Variants in NRXN1 observed in about 807,000 individuals in gnomAD.
NRXN1 encodes the protein neurexin 1, also known as neurexin-1.
A neutral mutation model predicts 150.9 loss-of-function variants in NRXN1; 39 were observed. That is an observed-to-expected ratio of 0.26 (90% CI 0.20 to 0.34). The LOEUF (loss-of-function observed/expected upper bound fraction) is 0.34. Ranked by LOEUF, NRXN1 falls within the 10% of genes least tolerant of loss-of-function variation. The pLI, the probability that NRXN1 is intolerant of heterozygous loss-of-function variation, is 1.00. For synonymous variants in NRXN1, 924 were observed against 757.0 expected (o/e 1.22, Z -3.62); for missense variants, 1,815 against 1,949.9 (o/e 0.93, Z 1.30).
chr2:50,236,696 G>T, intron 18 of NRXN1, 93 bp downstream of exon 18: 1 of 1,110,332 alleles, frequency 9.0e-7, no homozygotes. Context: ...TGGTTTCTGG[G>T]GGAAGGAAGC....
At chr2:49,982,248 C>G (rs1215286520) in intron 21 of NRXN1, among the ~76,000 whole-genome samples, 1 of 152,080 alleles carries the variant, frequency 6.6e-6, no homozygotes, top group Non-Finnish European at 1.5e-5. Context: ...TTTCATGAAA[C>G]AGGTTCGATT....
chr2:50,657,743 C>G (rs1413155191), intron 5 of NRXN1, among the ~76,000 whole-genome samples: 1 of 151,996 alleles, frequency 6.6e-6, no homozygotes, highest in Non-Finnish European at 1.5e-5. Context: ...CTTTTCAATT[C>G]TTTTATGCTT....
intron 5 of NRXN1, among the ~76,000 whole-genome samples, chr2:50,718,866 T>C (rs1696222087): frequency 6.6e-6 from 1 of 152,000 alleles, no homozygotes; most frequent in South Asian, 2.1e-4. Flanking sequence ...CTCCATCTCT[T>C]CTCCCTTCTT....
chr2:50,629,133 C>G (rs749976295), intron 5 of NRXN1, among the ~76,000 whole-genome samples: 1 of 151,576 alleles, frequency 6.6e-6, no homozygotes, highest in African/African-American at 2.4e-5. Context: ...ATATATCCAA[C>G]AAAAAATACA....
At chr2:49,957,386 A>T (rs980892919) in intron 21 of NRXN1, among the ~76,000 whole-genome samples, 5 of 152,168 alleles carry the variant, frequency 3.3e-5, no homozygotes, top group Non-Finnish European at 7.3e-5. Flanking sequence ...CAGCTTTCAA[A>T]ATGAATGGCT....
chr2:50,337,856 A>G (rs973207582), intron 17 of NRXN1, among the ~76,000 whole-genome samples: 1 of 152,238 alleles, frequency 6.6e-6, no homozygotes, highest in Non-Finnish European at 1.5e-5. Context: ...CTGAGGCAAA[A>G]TGTTAACAGT....
intron 22 of NRXN1, among the ~76,000 whole-genome samples, chr2:49,930,268 ATAAC>A (rs1669888394): frequency 6.6e-6 from 1 of 152,196 alleles, no homozygotes; most frequent in Non-Finnish European, 1.5e-5. Flanking sequence ...AACCCCATAA[ATAAC>A]AATTTTATGT....
At chr2:50,707,960 TC>T (rs1694667609) in intron 5 of NRXN1, among the ~76,000 whole-genome samples, 1 of 152,202 alleles carries the variant, frequency 6.6e-6, no homozygotes, top group Non-Finnish European at 1.5e-5. Context: ...TTAATACATT[TC>T]CTATTTGTAA....
chr2:50,699,421 T>C (rs1484320774), intron 5 of NRXN1, among the ~76,000 whole-genome samples: 2 of 152,218 alleles, frequency 1.3e-5, no homozygotes, highest in African/African-American at 2.4e-5. Flanking sequence ...ATCAACTCAT[T>C]GCATGAGTTC....
intron 17 of NRXN1, among the ~76,000 whole-genome samples, chr2:50,276,480 A>T (rs1256939525): frequency 6.6e-6 from 1 of 152,172 alleles, no homozygotes; most frequent in East Asian, 1.9e-4. Context: ...AATTCATTAG[A>T]TATTTAAAAT....
intron 15 of NRXN1, among the ~76,000 whole-genome samples, chr2:50,485,406 G>C (rs1309381394): frequency 2.0e-5 from 3 of 152,228 alleles, no homozygotes; most frequent in African/African-American, 7.2e-5. Context: ...CAGTGAGTTT[G>C]TGCTCCTACA....
At chr2:50,755,267 T>C (rs972094877) in intron 5 of NRXN1, among the ~76,000 whole-genome samples, 2 of 151,854 alleles carry the variant, frequency 1.3e-5, no homozygotes, top group Admixed American at 1.3e-4. Flanking sequence ...TGTGTGATTC[T>C]CAATTAAGTC....
At chr2:50,125,508 A>AT (rs975574270) in intron 18 of NRXN1, among the ~76,000 whole-genome samples, 9 of 152,026 alleles carry the variant, frequency 5.9e-5, no homozygotes, top group Non-Finnish European at 1.2e-4. Flanking sequence ...TTTTTCAAGA[A>AT]TTTTTTTCAA....
intron 5 of NRXN1, among the ~76,000 whole-genome samples, chr2:50,637,291 A>G (rs1683371276): frequency 6.6e-6 from 1 of 152,180 alleles, no homozygotes; most frequent in African/African-American, 2.4e-5. Flanking sequence ...ATCATTAATC[A>G]ACATTCTCTA....
At chr2:50,652,964 G>A (rs1685863492) in intron 5 of NRXN1, among the ~76,000 whole-genome samples, 1 of 151,958 alleles carries the variant, frequency 6.6e-6, no homozygotes, top group African/African-American at 2.4e-5. Context: ...GTGTCTGACT[G>A]TTGTTTCTGT....
intron 2 of NRXN1, among the ~76,000 whole-genome samples, chr2:51,027,038 A>G (rs1461014870): frequency 2.0e-5 from 3 of 152,188 alleles, no homozygotes; most frequent in Non-Finnish European, 4.4e-5. Context: ...CGGCCGTGGT[A>G]TACCTCTCCT....
rs145172642 is a variant in NRXN1, at chr2:50,243,770, T to C, written c.3365-6800A>G. Among the ~76,000 whole-genome samples, 35 of 151,906 alleles carry C rather than the reference T, an allele frequency of 2.3e-4. No homozygotes were observed. In the East Asian group the frequency reaches 5.6e-3, roughly 24 times the overall value. ...AACCAGCTAGACTCCACGGTAGACATTGGAAGTCTGAAAGCAGAAGAGTAT... is the reference window on the plus strand; with the variant it reads ...AACCAGCTAGACTCCACGGTAGACACTGGAAGTCTGAAAGCAGAAGAGTAT... On this transcript the variant is annotated intron_variant, in intron 17 of 22. Coordinates refer to ENST00000401669, the MANE Select transcript of NRXN1 (RefSeq NM_001330078.2).
Position 50,347,633 on chromosome 2 carries a change from C to G in NRXN1, c.3365-110663G>C. 1 of 999,094 alleles carries G rather than the reference C, an allele frequency of 1.0e-6. No homozygotes were observed. The highest frequency in any genetic ancestry group is 1.2e-6 in the Non-Finnish European group (1 of 838,378). The allele number at this position is 999,094 out of a possible 1,614,324, so 61.9% of individuals were successfully genotyped here. A position where few individuals can be genotyped will look rare whatever the true frequency, so the allele number is the denominator to read the frequency against. The stretch of plus-strand genomic sequence containing the variant: ...TGACACTTACGCCCGGCGAGGGGTT[C>G]AGAGGGAAGAGTGCGCCCTTCTGAA... On this transcript the variant is annotated intron_variant, in intron 17 of 22. Coordinates refer to ENST00000401669, the MANE Select transcript of NRXN1 (RefSeq NM_001330078.2). The surrounding 1 kb of genome is among the most constrained non-coding windows in gnomAD (Gnocchi z 4.9).
At chr2:50,289,327 TGAG>T (rs1328488624) in intron 17 of NRXN1, among the ~76,000 whole-genome samples, 4 of 152,110 alleles carry the variant, frequency 2.6e-5, no homozygotes, top group Non-Finnish European at 4.4e-5. Flanking sequence ...ACAATGCAAA[TGAG>T]GAGTGTGGAT....
Sources: gnomAD v4.1 joint callset for allele counts (sites outside exome capture counted in the v4.1 genomes callset) on GRCh38, gnomAD v4.1.1 for gene constraint, Gnocchi (gnomAD v3.1) non-coding constraint, MANE v1.5 for transcripts, NCBI Gene and HGNC (gene_info 2026-07-23, HGNC 2026-07-21) for gene names.